Variants in PRDM2 observed in about 807,000 individuals in gnomAD.
The protein encoded by PRDM2 is PR domain zinc finger protein 2.
A neutral mutation model predicts 130.0 loss-of-function variants in PRDM2; 30 were observed. The observed-to-expected ratio is 0.23, with a 90% CI of 0.17 to 0.31. PRDM2 has a LOEUF of 0.31. Ranked by LOEUF, PRDM2 falls within the 10% of genes least tolerant of loss-of-function variation. The pLI is 1.00. For missense variants in PRDM2, 2,011 were observed against 2,108.4 expected, an observed-to-expected ratio of 0.95 and a Z score of 0.90; for synonymous variants, 871 against 782.4, an observed-to-expected ratio of 1.11 and a Z score of -1.89.
At chr1:13,761,956 A>G (rs1043838301) in intron 6 of PRDM2, among the ~76,000 whole-genome samples, 1 of 152,224 alleles carries the variant, frequency 6.6e-6, no homozygotes, top group Non-Finnish European at 1.5e-5. Flanking sequence ...GAACAAATGA[A>G]CAAAACAAAT....
rs1643092773 is a variant in PRDM2, at chr1:13,731,115, T to C, written c.125T>C (p.Ile42Thr). ...CCTTCTGCTGTTGACAAGACCCGGA[T>C]TGGTGAGTGCTCCTCCTGTCACGGA... ...LFPSAVDKTR[I>T]GVWATKPILK... Residue 42 changes from isoleucine to threonine, a missense_variant and splice_region_variant, in exon 3 of 10, where the codon ATT (isoleucine) becomes ACT (threonine). This residue lies in a region of PRDM2 where 79 missense variants were observed against 93.6 expected (regional missense o/e 0.84). Coordinates refer to ENST00000311066, the MANE Select transcript of PRDM2 (RefSeq NM_001393986.1). 6.2e-7 allele frequency: 1 copy of C among 1,611,174 alleles called. No individual in the cohort carries two copies. Among genetic ancestry groups the C allele is most frequent in the African/African-American group, 1.3e-5 (1 of 74,586 alleles).
At chr1:13,787,733 G>A (rs1001448544) in intron 8 of PRDM2, 11 of 984,610 alleles carry the variant, frequency 1.1e-5, no homozygotes, top group African/African-American at 1.0e-4. Context: ...TTGTTAACCC[G>A]GAGAGTGCTC....
chr1:13,805,200 A>G (rs372442867), intron 8 of PRDM2, among the ~76,000 whole-genome samples: 4 of 152,154 alleles, frequency 2.6e-5, no homozygotes, highest in Non-Finnish European at 5.9e-5. Flanking sequence ...GGATGATGCG[A>G]TGATGTTTTT....
chr1:13,773,868 G>T (rs544578601), intron 7 of PRDM2, among the ~76,000 whole-genome samples: 1 of 152,256 alleles, frequency 6.6e-6, no homozygotes, highest in South Asian at 2.1e-4. Flanking sequence ...ATGGTCACAT[G>T]GGTATATATA....
chr1:13,775,956 C>G (rs551302772), intron 7 of PRDM2, among the ~76,000 whole-genome samples: 3 of 152,302 alleles, frequency 2.0e-5, no homozygotes, highest in African/African-American at 7.2e-5. Flanking sequence ...CCAGATAAGT[C>G]CACATTAATT....
In PRDM2 at chr1:13,717,508, A is replaced by G. The variant is rs559009869; in HGVS notation, c.9+1894A>G. On this transcript the variant is annotated intron_variant, in intron 2 of 9. Transcript: ENST00000311066. ...CAGAAATCATTTATTTGATATGTCT[A>G]CATCTTTAACCTTAGGATTAATTAT... 50 of 825,620 alleles carry G rather than the reference A, an allele frequency of 6.1e-5. 1 individual carries two copies. In the Admixed American group the frequency reaches 8.7e-4, roughly 14 times the overall value. The allele number at this position is 825,620 out of a possible 1,614,324, so 51.1% of individuals were successfully genotyped here. A position where few individuals can be genotyped will look rare whatever the true frequency, so the allele number is the denominator to read the frequency against.
At chr1:13,772,091 C>A (rs1202814156) in intron 6 of PRDM2, 1 of 152,134 alleles carries the variant, frequency 6.6e-6, no homozygotes, top group East Asian at 1.9e-4. Context: ...GCTTGTAGTT[C>A]TGGAAGCTGG....
chr1:13,753,287 T>C (rs1287343729), intron 6 of PRDM2, among the ~76,000 whole-genome samples: 1 of 152,254 alleles, frequency 6.6e-6, no homozygotes, highest in Non-Finnish European at 1.5e-5. Context: ...TAATGAATTA[T>C]AAAGAACAAG....
At chr1:13,733,244 C>G (rs1367606695) in intron 4 of PRDM2, among the ~76,000 whole-genome samples, 4 of 152,222 alleles carry the variant, frequency 2.6e-5, no homozygotes, top group Admixed American at 2.6e-4. Flanking sequence ...AAAGAAAGCA[C>G]TGTTAGGTTC....
intron 4 of PRDM2, among the ~76,000 whole-genome samples, chr1:13,739,626 C>T (rs887292764): frequency 1.3e-5 from 2 of 152,116 alleles, no homozygotes; most frequent in Non-Finnish European, 2.9e-5. Context: ...TTCCATTTAG[C>T]CATGAATTGG....
intron 8 of PRDM2, among the ~76,000 whole-genome samples, chr1:13,814,956 T>C (rs570680625): frequency 1.3e-4 from 20 of 152,348 alleles, no homozygotes; most frequent in Admixed American, 1.1e-3. Flanking sequence ...GTGCCTCAGT[T>C]TCCTCATCTG....
chr1:13,742,189 T>G, intron 5 of PRDM2, 32 bp downstream of exon 5: 1 of 1,596,162 alleles, frequency 6.3e-7, no homozygotes, highest in Non-Finnish European at 8.6e-7. Flanking sequence ...TACTGTTAGT[T>G]ACGCTGCTTG....
chr1:13,807,153 C>T lies in PRDM2; in HGVS notation c.5037-9274C>T, dbSNP rs79249437. ...AGCCAGGAGGCCTGAGTCTTGGCCT[C>T]GTACGGGCATCAAACTCCTTCTGAA... On this transcript the variant is annotated intron_variant, in intron 8 of 9. Coordinates refer to ENST00000311066, the MANE Select transcript of PRDM2 (RefSeq NM_001393986.1). 7.4e-3 allele frequency among the ~76,000 whole-genome samples: 1,122 copies of T among 152,288 alleles called. 16 individuals carry two copies. The highest frequency in any genetic ancestry group is 0.025 in the African/African-American group (1,031 of 41,568).
intron 9 of PRDM2, among the ~76,000 whole-genome samples, chr1:13,820,010 A>G (rs1645322808): frequency 6.6e-6 from 1 of 152,206 alleles, no homozygotes; most frequent in Non-Finnish European, 1.5e-5. Flanking sequence ...ATGCCACAGC[A>G]AAGTATTTTA....
intron 8 of PRDM2, among the ~76,000 whole-genome samples, chr1:13,811,163 G>A (rs938066665): frequency 1.3e-5 from 2 of 152,012 alleles, no homozygotes; most frequent in East Asian, 1.9e-4. Flanking sequence ...CAGCCTGAGC[G>A]ACAGAGTGAG....
At chr1:13,749,302 G>T in intron 5 of PRDM2, 59 bp from the exon 6 acceptor site, 1 of 1,294,398 alleles carries the variant, frequency 7.7e-7, no homozygotes, top group East Asian at 4.6e-5. Flanking sequence ...TGCGCGCCCC[G>T]CCCCCGCCAA....
rs1644624872 is a variant in PRDM2 at position 13,782,046 on chromosome 1, C to A, written c.4251C>A (p.Leu1417=). 1.9e-6 allele frequency: 3 copies of A among 1,613,946 alleles called. No individual in the cohort carries two copies. Among genetic ancestry groups the A allele is most frequent in the Admixed American group, 3.3e-5 (2 of 59,994 alleles). Residue 1417 remains leucine (L), a synonymous_variant, in exon 8 of 10, where the codon CTC becomes CTA. Transcript: ENST00000311066. ...TCAGCAAAATGTCGTCGAATAAGCT[C>A]AAATTAAATGCATTGAAGAAAAAAA... ...VELSKMSSNK[L]KLNALKKKNQ...
chr1:13,797,350 A>G (rs1256262081), intron 8 of PRDM2, among the ~76,000 whole-genome samples: 1 of 152,212 alleles, frequency 6.6e-6, no homozygotes, highest in Non-Finnish European at 1.5e-5. Flanking sequence ...AGTGAAAACA[A>G]ATCTGTGTTA....
rs1643152321 is a variant in PRDM2, at chr1:13,732,859, A to G, written c.208A>G (p.Lys70Glu). 1.2e-6 allele frequency: 2 copies of G among 1,600,402 alleles called. No homozygotes were observed. The highest frequency in any genetic ancestry group is 1.7e-5 in the Admixed American group (1 of 58,732). ...TGATAAGAAAAAAAGATCTCAGGTT[A>G]AGAATAATGTATACATGTGGGAGGT... ...VGDKKKRSQVKNNVYMWEVYY... is the reference protein window; with the variant it reads ...VGDKKKRSQVENNVYMWEVYY... Residue 70 changes from lysine to glutamate, a missense_variant, in exon 4 of 10, where the codon AAG becomes GAG. By Grantham distance (56) the Lys-to-Glu change is moderately conservative. Around this residue, in one of 5 missense-constraint regions of PRDM2, gnomAD observed 79 missense variants for 93.6 expected, o/e 0.84. Coordinates refer to ENST00000311066, the MANE Select transcript of PRDM2 (RefSeq NM_001393986.1).
Sources: allele counts gnomAD v4.1 joint callset (sites outside exome capture counted in the v4.1 genomes callset), GRCh38; gene constraint gnomAD v4.1.1; regional missense constraint gnomAD v4.1.1; transcripts MANE v1.5; gene names NCBI Gene and HGNC (gene_info 2026-07-23, HGNC 2026-07-21).